PIP5K1C: variants seen among roughly 807,000 people sequenced by gnomAD.
The protein encoded by PIP5K1C is phosphatidylinositol 4-phosphate 5-kinase type-1 gamma.
In PIP5K1C, 45 loss-of-function variants were observed where a neutral mutation model predicts 80.1. That is an observed-to-expected ratio of 0.56 (90% CI 0.44 to 0.72). The LOEUF is 0.72. PIP5K1C is among the 30% of genes least tolerant of loss of function. The pLI, the probability that PIP5K1C is intolerant of heterozygous loss-of-function variation, is 0.00. For missense variants in PIP5K1C, 753 were observed against 954.6 expected, an observed-to-expected ratio of 0.79 and a Z score of 2.78; for synonymous variants, 498 against 420.1, an observed-to-expected ratio of 1.19 and a Z score of -2.27.
chr19:3,648,341 G>A lies in PIP5K1C; in HGVS notation c.1211+284C>T, dbSNP rs1312194911. Among the ~76,000 whole-genome samples the A allele has an allele frequency of 2.6e-5, 4 of 152,194 alleles. No individual in the cohort carries two copies. Among genetic ancestry groups the A allele is most frequent in the East Asian group, 1.9e-4 (1 of 5,194 alleles). On this transcript the variant is annotated intron_variant, in intron 9 of 17. Coordinates refer to ENST00000335312, the MANE Select transcript of PIP5K1C (RefSeq NM_012398.3). This position sits in a 1 kb window ranked among gnomAD's most constrained non-coding sequence, Gnocchi z 4.3. ...CCAACTCACTCTAGATTTTCAAGGC[G>A]ACCAAACACCTTCCCTTTAGGGCTC...
In PIP5K1C at chr19:3,692,007, G is replaced by A. The variant is rs1212574672; in HGVS notation, c.94+8290C>T. On this transcript the variant is annotated intron_variant, in intron 1 of 17. Coordinates refer to ENST00000335312, the MANE Select transcript of PIP5K1C (RefSeq NM_012398.3). This position sits in a 1 kb window ranked among gnomAD's most constrained non-coding sequence, Gnocchi z 5.2. ...CCCCAGCAGCCCCGCCCATGTCAGC[G>A]CATGCACCGTGGCCAGTCCAAGCAC... Among the ~76,000 whole-genome samples, 1 of 152,156 alleles carries A rather than the reference G, an allele frequency of 6.6e-6. No homozygotes were observed. Among genetic ancestry groups the A allele is most frequent in the East Asian group, 1.9e-4 (1 of 5,186 alleles).
At chr19:3,667,760 G>A (rs1043525301) in intron 1 of PIP5K1C, among the ~76,000 whole-genome samples, 1 of 152,222 alleles carries the variant, frequency 6.6e-6, no homozygotes, top group Non-Finnish European at 1.5e-5. Context: ...TGAGGTTCTG[G>A]GCAGTCAACA....
At chr19:3,690,435 A>G (rs2035913780) in intron 1 of PIP5K1C, among the ~76,000 whole-genome samples, 2 of 151,842 alleles carry the variant, frequency 1.3e-5, no homozygotes, top group South Asian at 4.2e-4. Flanking sequence ...GTGAGCTACA[A>G]TCGTGTCACT....
At chr19:3,697,108 G>C (rs1004153314) in intron 1 of PIP5K1C, among the ~76,000 whole-genome samples, 3 of 151,594 alleles carry the variant, frequency 2.0e-5, no homozygotes, top group African/African-American at 7.3e-5. Flanking sequence ...GGAGGACCAA[G>C]GAGGACCGAG....
intron 5 of PIP5K1C, among the ~76,000 whole-genome samples, chr19:3,659,865 C>T (rs190840619): frequency 5.3e-5 from 8 of 152,322 alleles, no homozygotes; most frequent in African/African-American, 1.7e-4. Flanking sequence ...CACAAGGAAC[C>T]GACCACCGCG....
At chr19:3,651,058 T>G (rs987698918) in intron 8 of PIP5K1C, among the ~76,000 whole-genome samples, 7 of 148,914 alleles carry the variant, frequency 4.7e-5, no homozygotes, top group Non-Finnish European at 1.0e-4. Flanking sequence ...GCCCAGCGTT[T>G]TTTTTTTTTT....
chr19:3,641,097 C>T (rs889163674), intron 15 of PIP5K1C, among the ~76,000 whole-genome samples: 3 of 151,960 alleles, frequency 2.0e-5, no homozygotes, highest in East Asian at 2.0e-4. Context: ...TGCCTGTAGT[C>T]CCAGCTACTC....
rs753178088 is a variant in PIP5K1C at position 3,648,614 on chromosome 19, C to T, written c.1211+11G>A. On this transcript the variant is annotated intron_variant, in intron 9 of 17. Transcript: ENST00000335312. This position sits in a 1 kb window ranked among gnomAD's most constrained non-coding sequence, Gnocchi z 4.3. ...GCGTCCACCTGTAGGACTGCAGACC[C>T]GGGCACCCACCTGTAGGACTGCAGG... The T allele has an allele frequency of 1.1e-5, 18 of 1,611,108 alleles. No individual in the cohort carries two copies. Among genetic ancestry groups the T allele is most frequent in the South Asian group, 1.1e-4 (10 of 91,018 alleles).
intron 1 of PIP5K1C, among the ~76,000 whole-genome samples, chr19:3,689,222 C>T (rs1204073547): frequency 6.6e-6 from 1 of 152,060 alleles, no homozygotes; most frequent in Non-Finnish European, 1.5e-5. Context: ...TAAAAACGAA[C>T]ATACAACAAG....
At chr19:3,691,373 A>G (rs1251107371) in intron 1 of PIP5K1C, among the ~76,000 whole-genome samples, 3 of 152,102 alleles carry the variant, frequency 2.0e-5, no homozygotes, top group African/African-American at 7.2e-5. Flanking sequence ...GGGTAAGCGG[A>G]TTCCTAAACG....
chr19:3,633,111 C>A lies in PIP5K1C; in HGVS notation c.*56G>T. ...GCCTCAGCGGGGTGGGCAGCGCCTT[C>A]GGGGGCAGCCGGAGCAGAAGTGGAG... is the stretch of plus-strand genomic sequence containing the variant. On this transcript the variant is annotated 3_prime_UTR_variant, in exon 18 of 18. Coordinates refer to ENST00000335312, the MANE Select transcript of PIP5K1C (RefSeq NM_012398.3). 1 of 730,510 alleles carries A rather than the reference C, an allele frequency of 1.4e-6. No homozygotes were observed. The highest frequency in any genetic ancestry group is 1.4e-5 in the South Asian group (1 of 69,080). 45.3% of individuals were successfully genotyped at this position (730,510 alleles called of 1,614,324 possible).
At chr19:3,673,262 G>T (rs563330413) in intron 1 of PIP5K1C, among the ~76,000 whole-genome samples, 1 of 152,056 alleles carries the variant, frequency 6.6e-6, no homozygotes, top group East Asian at 1.9e-4. Context: ...ATTCCCTCAC[G>T]GTTTGTTCCT....
chr19:3,663,005 C>T (rs189516536), intron 3 of PIP5K1C, among the ~76,000 whole-genome samples: 450 of 152,106 alleles, frequency 3.0e-3, no homozygotes, highest in African/African-American at 7.4e-3. Flanking sequence ...GGATTACAGG[C>T]ACGCACCAGC....
chr19:3,662,971 C>A (rs549688893), intron 3 of PIP5K1C, among the ~76,000 whole-genome samples: 11 of 152,310 alleles, frequency 7.2e-5, no homozygotes, highest in African/African-American at 2.4e-4. Context: ...AAGCTATTCT[C>A]CCGCCTCAGC....
intron 1 of PIP5K1C, among the ~76,000 whole-genome samples, chr19:3,689,624 G>A (rs529818193): frequency 6.6e-6 from 1 of 152,110 alleles, no homozygotes; most frequent in Non-Finnish European, 1.5e-5. Context: ...ACTCCAGCCT[G>A]GACGAGAGGG....
At chr19:3,660,028 C>T (rs553522242) in intron 5 of PIP5K1C, among the ~76,000 whole-genome samples, 28 of 152,292 alleles carry the variant, frequency 1.8e-4, no homozygotes, top group African/African-American at 5.8e-4. Flanking sequence ...AAAGGCCACC[C>T]GGAGCTTTTA....
intron 8 of PIP5K1C, among the ~76,000 whole-genome samples, chr19:3,650,234 C>G (rs911143411): frequency 6.6e-6 from 1 of 152,244 alleles, no homozygotes; most frequent in African/African-American, 2.4e-5. Flanking sequence ...GAACTTGGCT[C>G]CACACCTTCG....
rs769097737 is a variant in PIP5K1C at position 3,642,913 on chromosome 19, T to C, written c.1676A>G (p.Asp559Gly). The C allele has an allele frequency of 1.2e-6, 2 of 1,613,262 alleles. No individual in the cohort carries two copies. Among genetic ancestry groups the C allele is most frequent in the South Asian group, 2.2e-5 (2 of 91,076 alleles). The change falls in exon 14 of 18, where the codon GAT becomes GGT. Residue 559 changes from aspartate to glycine, a missense_variant. By Grantham distance (94) the Asp-to-Gly change is moderately conservative. Coordinates refer to ENST00000335312, the MANE Select transcript of PIP5K1C (RefSeq NM_012398.3). ...GAAGGGGGTTGGGTCTCACCTGCCATCCTGTCCAGACGACTGTGTGCGCCG... is the reference window on the plus strand; with the variant it reads ...GAAGGGGGTTGGGTCTCACCTGCCACCCTGTCCAGACGACTGTGTGCGCCG... ...YRRRTQSSGQ[D>G]GRPQEEPPAE...
intron 1 of PIP5K1C, among the ~76,000 whole-genome samples, chr19:3,676,355 T>C (rs1389459497): frequency 1.3e-5 from 2 of 152,266 alleles, no homozygotes; most frequent in South Asian, 2.1e-4. Flanking sequence ...CACCCACCAC[T>C]CCCAGCACAC....
Sources: gnomAD v4.1 joint callset for allele counts (sites outside exome capture counted in the v4.1 genomes callset) on GRCh38, gnomAD v4.1.1 for gene constraint, Gnocchi (gnomAD v3.1) non-coding constraint, MANE v1.5 for transcripts, NCBI Gene and HGNC (gene_info 2026-07-23, HGNC 2026-07-21) for gene names.